The following MBTPS2 variants were observed in gnomAD, a reference collection of about 807,000 sequenced individuals.
The protein encoded by MBTPS2 is membrane bound transcription factor peptidase, site 2.
Under a neutral mutation model 35.4 loss-of-function variants are expected in MBTPS2, and 2 were observed. The observed-to-expected ratio is 0.06, with a 90% CI of 0.02 to 0.18. MBTPS2 has a LOEUF of 0.18. Among genes scored for constraint, MBTPS2 ranks in the 10% least tolerant of loss-of-function variants. The probability of loss-of-function intolerance (pLI) is 1.00; values close to 1 mark genes in which losing one functional copy is unlikely to be tolerated. For synonymous variants in MBTPS2, 125 were observed against 140.4 expected (o/e 0.89, Z 0.77); for missense variants, 244 against 386.5 (o/e 0.63, Z 3.09).
At chrX:21,874,001 GTA>G (rs3054229) in intron 7 of MBTPS2, among the ~76,000 whole-genome samples, 10 of 60,826 alleles carry the variant, frequency 1.6e-4, no homozygotes, top group East Asian at 6.8e-4. Flanking sequence ...GTGTGTGTGT[GTA>G]TATATATATA....
chrX:21,843,157 C>A lies in MBTPS2; in HGVS notation c.76-13C>A. The A allele has an allele frequency of 8.3e-7, 1 of 1,200,154 alleles. No individual in the cohort carries two copies. The highest frequency in any genetic ancestry group is 2.2e-5 in the Admixed American group (1 of 46,024). ...CAAAATTGAGTGATGTAGAACTTTTCTTTCTCTCTTAGTCATCTGTCTATT... is the reference window on the plus strand; with the variant it reads ...CAAAATTGAGTGATGTAGAACTTTTATTTCTCTCTTAGTCATCTGTCTATT... On this transcript the variant is annotated splice_polypyrimidine_tract_variant and intron_variant, in intron 1 of 10. Coordinates refer to ENST00000379484, the MANE Select transcript of MBTPS2 (RefSeq NM_015884.4).
At chrX:21,842,970 T>G (rs901915676) in intron 1 of MBTPS2, among the ~76,000 whole-genome samples, 200 bp from the exon 2 acceptor site, 6 of 112,661 alleles carry the variant, frequency 5.3e-5, no homozygotes, top group Non-Finnish European at 7.5e-5. Flanking sequence ...TGGCCCATAG[T>G]TTACCAGACC....
At position 21,882,314 on chromosome X, in the gene MBTPS2, A is replaced by T. The variant is rs2092960364; in HGVS notation, c.1338-119A>T. On this transcript the variant is annotated intron_variant, in intron 10 of 10. Transcript: ENST00000379484. ...AAGAAGGAATGGCAGAGATTTAAAG[A>T]AAGTAGAGAAGTCAAGTGTAATCTC... is the stretch of plus-strand genomic sequence containing the variant. The T allele has an allele frequency of 8.8e-6, 5 of 565,236 alleles. No homozygotes were observed. The Admixed American group carries it at 1.3e-4, about 14-fold the overall frequency. 46.6% of individuals were successfully genotyped at this position (565,236 alleles called of 1,213,427 possible). A position where few individuals can be genotyped will look rare whatever the true frequency, so the allele number is the denominator to read the frequency against.
chrX:21,873,325 C>A (rs903715814), intron 7 of MBTPS2, among the ~76,000 whole-genome samples: 1 of 111,894 alleles, frequency 8.9e-6, no homozygotes, highest in Non-Finnish European at 1.9e-5. Context: ...CATATTGAAG[C>A]CTCTGCTTTT....
At position 21,882,641 on chromosome X, in the gene MBTPS2, G is replaced by A. The variant is rs763783111; in HGVS notation, c.1546G>A (p.Val516Ile). 1 of 1,209,143 alleles carries A rather than the reference G, an allele frequency of 8.3e-7. No homozygotes were observed. Among genetic ancestry groups the A allele is most frequent in the Admixed American group, 2.2e-5 (1 of 45,755 alleles). The change falls in exon 11 of 11, where the codon GTT becomes ATT. Residue 516 changes from valine (V) to isoleucine (I), a missense_variant. Transcript: ENST00000379484. ...CAATGTGACCCTGGGACTCTGGATGGTTACAGCACGGTAATGTTTGCACTC... is the reference window on the plus strand; with the variant it reads ...CAATGTGACCCTGGGACTCTGGATGATTACAGCACGGTAATGTTTGCACTC... ...AANVTLGLWM[V>I]TAR
Position 21,860,280 on chromosome X carries a change from C to A in MBTPS2, c.670+6777C>A, listed in dbSNP as rs180890494. On this transcript the variant is annotated intron_variant, in intron 5 of 10. Coordinates refer to ENST00000379484, the MANE Select transcript of MBTPS2 (RefSeq NM_015884.4). ...TACAAAAATTAGCTGGGGTTGCTGG[C>A]ATAGCACCTGTAATTCCAGCTACTT... Among the ~76,000 whole-genome samples, 233 of 109,811 alleles carry A rather than the reference C, an allele frequency of 2.1e-3. 2 individuals are homozygous for A. The highest frequency in any genetic ancestry group is 7.2e-3 in the African/African-American group (218 of 30,161).
chrX:21,857,149 G>A (rs768528347), intron 5 of MBTPS2: 2 of 1,211,919 alleles, frequency 1.7e-6, no homozygotes, highest in South Asian at 3.5e-5. Context: ...CTTCCTCCTG[G>A]GGGGTTACCA....
chrX:21,855,550 G>A (rs1014981297), intron 5 of MBTPS2, among the ~76,000 whole-genome samples: 1 of 109,800 alleles, frequency 9.1e-6, no homozygotes, highest in East Asian at 2.9e-4. Flanking sequence ...TCCTGCCTCA[G>A]CCTCCCGAGT....
Position 21,869,609 on chromosome X carries a change from G to A in MBTPS2, c.901G>A (p.Ala301Thr), listed in dbSNP as rs749782461. The A allele has an allele frequency of 4.9e-5, 59 of 1,207,472 alleles. 1 individual carries two copies. The highest frequency in any genetic ancestry group is 3.2e-4 in the South Asian group (18 of 56,765). The change falls in exon 7 of 11, where the codon GCC becomes ACC. Residue 301 changes from alanine (A) to threonine (T), a missense_variant. Physicochemically the swap from Ala to Thr is moderately conservative, Grantham distance 58 (BLOSUM62 0). Coordinates refer to ENST00000379484, the MANE Select transcript of MBTPS2 (RefSeq NM_015884.4). ...TTGGAATGAATGTTTAGATACCATC[G>A]CCTATGAGCCCCAAATTGGTTACTG... ...QDWNECLDTI[A>T]YEPQIGYCIS... is the part of the protein sequence containing the mutation.
chrX:21,878,429 T>C (rs1485537318), intron 8 of MBTPS2, 68 bp from the exon 9 acceptor site: 34 of 819,749 alleles, frequency 4.1e-5, no homozygotes, highest in Non-Finnish European at 5.8e-5. Flanking sequence ...ATGAAAAATA[T>C]TGAAGGAATG....
At chrX:21,857,564 C>T (rs754493656) in intron 5 of MBTPS2, 82 of 1,209,612 alleles carry the variant, frequency 6.8e-5, no homozygotes, top group Non-Finnish European at 7.6e-5. Flanking sequence ...ACCTGAAAAC[C>T]CACATATTAA....
intron 5 of MBTPS2, among the ~76,000 whole-genome samples, chrX:21,859,999 G>T (rs371325409): frequency 4.9e-4 from 54 of 109,832 alleles, no homozygotes; most frequent in African/African-American, 1.6e-3. Flanking sequence ...GGCTGAGATG[G>T]GAGGATCACT....
rs778002618 is a variant in MBTPS2 at position 21,867,256 on chromosome X, T to C, written c.671-1211T>C. On this transcript the variant is annotated intron_variant, in intron 5 of 10. Coordinates refer to ENST00000379484, the MANE Select transcript of MBTPS2 (RefSeq NM_015884.4). ...AGCCAAAGAATAGATGAAAATGTAT[T>C]GTAAATTAAAAGTTGCATTTAATTT... 7.1e-5 allele frequency among the ~76,000 whole-genome samples: 8 copies of C among 112,105 alleles called. No individual in the cohort carries two copies. The South Asian group carries it at 2.2e-3, about 31-fold the overall frequency.
intron 2 of MBTPS2, among the ~76,000 whole-genome samples, chrX:21,844,156 A>G (rs2092905950): frequency 9.2e-6 from 1 of 108,985 alleles, no homozygotes; most frequent in African/African-American, 3.3e-5. Flanking sequence ...AAATAAATAG[A>G]AAATATTAAT....
At chrX:21,873,553 A>G (rs2092949575) in intron 7 of MBTPS2, among the ~76,000 whole-genome samples, 1 of 112,022 alleles carries the variant, frequency 8.9e-6, no homozygotes, top group African/African-American at 3.2e-5. Flanking sequence ...TGTCCTTAGC[A>G]AGTCCAGCAT....
chrX:21,877,981 T>C, intron 7 of MBTPS2, 61 bp from the exon 8 acceptor site: 1 of 779,044 alleles, frequency 1.3e-6, no homozygotes, highest in Non-Finnish European at 2.0e-6. Flanking sequence ...CTTAAAGGCA[T>C]TTTTTGTTAC....
At chrX:21,881,757 G>A (rs913216469) in intron 10 of MBTPS2, among the ~76,000 whole-genome samples, 5 of 110,821 alleles carry the variant, frequency 4.5e-5, no homozygotes, top group Middle Eastern at 4.6e-3. Flanking sequence ...CCAATATGGC[G>A]AAACCCCATC....
At chrX:21,866,844 T>C (rs1204688026) in intron 5 of MBTPS2, among the ~76,000 whole-genome samples, 1 of 109,554 alleles carries the variant, frequency 9.1e-6, no homozygotes. Flanking sequence ...CTGGCCAACA[T>C]GGTGAAACCC....
chrX:21,863,131 G>T (rs1376748272), intron 5 of MBTPS2, among the ~76,000 whole-genome samples: 3 of 97,266 alleles, frequency 3.1e-5, no homozygotes, highest in African/African-American at 1.1e-4. Flanking sequence ...AGCCGAGCAT[G>T]CTGGCACGCG....
Sources: gnomAD v4.1 joint callset for allele counts (sites outside exome capture counted in the v4.1 genomes callset) on GRCh38, gnomAD v4.1.1 for gene constraint, MANE v1.5 for transcripts, NCBI Gene and HGNC (gene_info 2026-07-23, HGNC 2026-07-21) for gene names.